The following SPATA7 variants were observed in gnomAD, a reference collection of about 807,000 sequenced individuals.
The protein encoded by SPATA7 is spermatogenesis-associated protein 7.
A neutral mutation model predicts 51.8 loss-of-function variants in SPATA7; 43 were observed. The ratio of observed to expected loss-of-function variants is 0.83; its 90% CI spans 0.65 to 1.07. The LOEUF is 1.07. Ranked by LOEUF, SPATA7 falls within the 50% of genes least tolerant of loss-of-function variation. SPATA7 has a pLI of 0.00. For missense variants in SPATA7, 683 were observed against 701.3 expected (o/e 0.97, Z 0.30); for synonymous variants, 230 against 252.8 (o/e 0.91, Z 0.86).
chr14:88,388,549 A>G (rs1375611724), intron 1 of SPATA7, among the ~76,000 whole-genome samples: 1 of 152,152 alleles, frequency 6.6e-6, no homozygotes, highest in African/African-American at 2.4e-5. Flanking sequence ...AGTGATTTTT[A>G]TACAAGGAAA....
intron 4 of SPATA7, among the ~76,000 whole-genome samples, chr14:88,413,912 G>A (rs2076406958): frequency 6.6e-6 from 1 of 152,012 alleles, no homozygotes; most frequent in South Asian, 2.1e-4. Context: ...CTACTTGACT[G>A]TGGTTTATTA....
chr14:88,405,169 T>C (rs567967734), intron 4 of SPATA7, among the ~76,000 whole-genome samples: 8 of 152,294 alleles, frequency 5.3e-5, no homozygotes, highest in Admixed American at 5.2e-4. Context: ...GTGTCATGAT[T>C]GGTGTTTTCA....
rs1303136629 is a variant in SPATA7 at position 88,469,108 on chromosome 14, C to T, written c.255-739C>T. 3.8e-6 allele frequency: 6 copies of T among 1,589,918 alleles called. No individual in the cohort carries two copies. The highest frequency in any genetic ancestry group is 5.2e-6 in the Non-Finnish European group (6 of 1,162,916). Reference sequence around the variant, plus strand: ...AAAATCAATGAAATAGAAAAGTACTCAAGGATCAAGGCGTATCACATTGTT... The same window carrying T: ...AAAATCAATGAAATAGAAAAGTACTTAAGGATCAAGGCGTATCACATTGTT... On this transcript the variant is annotated intron_variant, in intron 4 of 4. Transcript: ENST00000556406. The surrounding 1 kb of genome is among the most constrained non-coding windows in gnomAD (Gnocchi z 4.3).
intron 3 of SPATA7, among the ~76,000 whole-genome samples, chr14:88,453,193 G>A (rs1190956862): frequency 1.3e-5 from 2 of 152,200 alleles, no homozygotes; most frequent in Non-Finnish European, 2.9e-5. Context: ...GAATGCATTT[G>A]TTCACGGAGG....
chr14:88,427,170 A>C (rs2076816759), intron 6 of SPATA7, among the ~76,000 whole-genome samples: 1 of 152,216 alleles, frequency 6.6e-6, no homozygotes, highest in African/African-American at 2.4e-5. Context: ...GCCAAGAATA[A>C]TTTTAAATTG....
chr14:88,387,037 G>A (rs1419054732), intron 1 of SPATA7, among the ~76,000 whole-genome samples: 1 of 152,162 alleles, frequency 6.6e-6, no homozygotes, highest in Non-Finnish European at 1.5e-5. Context: ...CTCATTTAAT[G>A]TACAAAAATA....
intron 3 of SPATA7, among the ~76,000 whole-genome samples, chr14:88,443,953 T>C (rs999556751): frequency 6.6e-6 from 1 of 152,068 alleles, no homozygotes; most frequent in African/African-American, 2.4e-5. Flanking sequence ...TACGTGTGCA[T>C]GTGTCTTTAT....
rs760164222 is a variant in SPATA7, at chr14:88,469,059, G to A, written c.255-788G>A. On this transcript the variant is annotated intron_variant, in intron 4 of 4. Coordinates refer to the SPATA7 transcript ENST00000556406. The surrounding 1 kb of genome is among the most constrained non-coding windows in gnomAD (Gnocchi z 4.3). ...CTATTTGTATGGCGTCGAACAGACT[G>A]GATCTCTTCAAGATATGCTGTGGAA... 7.4e-6 allele frequency: 12 copies of A among 1,613,224 alleles called. No homozygotes were observed. In the South Asian group the frequency reaches 9.9e-5, roughly 13 times the overall value.
At chr14:88,421,010 G>A (rs746131768) in intron 5 of SPATA7, among the ~76,000 whole-genome samples, 3 of 152,048 alleles carry the variant, frequency 2.0e-5, no homozygotes, top group African/African-American at 4.8e-5. Context: ...CCAGCTACTC[G>A]GGAGGCTGAG....
intron 9 of SPATA7, chr14:88,432,928 T>C (rs1261982642): frequency 1.9e-6 from 1 of 533,974 alleles, no homozygotes; most frequent in Admixed American, 3.4e-5. Context: ...TTTACTCTAT[T>C]AGGTCATCAC....
chr14:88,434,742 G>A (rs2077038127), intron 10 of SPATA7, among the ~76,000 whole-genome samples: 1 of 151,146 alleles, frequency 6.6e-6, no homozygotes, highest in African/African-American at 2.4e-5. Context: ...TACCCAAATA[G>A]TATGTATTGT....
intron 3 of SPATA7, among the ~76,000 whole-genome samples, chr14:88,447,709 G>C (rs1310963507): frequency 6.6e-6 from 1 of 151,916 alleles, no homozygotes; most frequent in African/African-American, 2.4e-5. Flanking sequence ...GCATTTGCTT[G>C]TCTGTAAAGG....
chr14:88,397,794 C>T (rs1252663216), intron 4 of SPATA7, among the ~76,000 whole-genome samples: 1 of 152,038 alleles, frequency 6.6e-6, no homozygotes, highest in Non-Finnish European at 1.5e-5. Context: ...TGAAGAATAC[C>T]ATTTGAAACC....
intron 3 of SPATA7, among the ~76,000 whole-genome samples, chr14:88,447,148 C>T (rs1471138168): frequency 4.0e-5 from 6 of 149,518 alleles, no homozygotes; most frequent in Non-Finnish European, 6.0e-5. Flanking sequence ...TCAGGACTTG[C>T]TTTATGAATC....
chr14:88,462,636 A>T (rs574610970), intron 4 of SPATA7, among the ~76,000 whole-genome samples: 1 of 152,334 alleles, frequency 6.6e-6, no homozygotes, highest in East Asian at 1.9e-4. Flanking sequence ...CACTGAAATT[A>T]TGTCGCTTGT....
chr14:88,437,894 G>A lies in SPATA7; in HGVS notation c.1272G>A (p.Glu424=). Residue 424 remains glutamate, a synonymous_variant, in exon 12 of 12, where the codon GAG becomes GAA. Transcript: ENST00000393545. ...AAGTAGACTTAGGCTGCACATCGGA[G>A]GAAAACTCGGTAAAGCAAAATGATG... The part of the protein sequence containing the change: ...VLKVDLGCTS[E]ENSVKQNDVD... 1.2e-6 allele frequency: 2 copies of A among 1,610,766 alleles called. No individual in the cohort carries two copies. The highest frequency in any genetic ancestry group is 1.1e-5 in the South Asian group (1 of 90,350).
chr14:88,436,195 C>G (rs897034838), intron 10 of SPATA7, among the ~76,000 whole-genome samples: 1 of 152,144 alleles, frequency 6.6e-6, no homozygotes, highest in Non-Finnish European at 1.5e-5. Context: ...ATATTCCTGT[C>G]TACAATTCGT....
At chr14:88,466,037 G>C (rs2077357209) in intron 4 of SPATA7, 1 of 151,272 alleles carries the variant, frequency 6.6e-6, no homozygotes, top group Admixed American at 6.6e-5. Context: ...GTTTAAACCT[G>C]ACAGAAAAGC....
At chr14:88,421,964 A>T (rs545209400) in intron 5 of SPATA7, among the ~76,000 whole-genome samples, 1 of 151,234 alleles carries the variant, frequency 6.6e-6, no homozygotes, top group Admixed American at 6.6e-5. Context: ...AAAAAAAAAA[A>T]GTAGAATCTG....
Sources: gnomAD v4.1 joint callset for allele counts (sites outside exome capture counted in the v4.1 genomes callset) on GRCh38, gnomAD v4.1.1 for gene constraint, Gnocchi (gnomAD v3.1) non-coding constraint, MANE v1.5 for transcripts, NCBI Gene and HGNC (gene_info 2026-07-23, HGNC 2026-07-21) for gene names.